The following TAT variants were observed in gnomAD, a reference collection of about 807,000 sequenced individuals.
TAT encodes the protein tyrosine aminotransferase.
In TAT, 35 loss-of-function variants were observed where a neutral mutation model predicts 53.6. The observed-to-expected ratio is 0.65, with a 90% confidence interval of 0.50 to 0.87. The LOEUF (loss-of-function observed/expected upper bound fraction) is 0.87. TAT is among the 40% of genes least tolerant of loss of function. The probability of loss-of-function intolerance (pLI) is 0.00; values close to 1 mark genes in which losing one functional copy is unlikely to be tolerated. For missense variants in TAT, 525 were observed against 571.8 expected (o/e 0.92, Z 0.83); for synonymous variants, 197 against 206.5 (o/e 0.95, Z 0.39).
rs1055656335 is a variant in TAT, at chr16:71,566,707, A to C, written c.*1437T>G. ...AGCTCCCAAATAAAATGTTTTAGGA[A>C]CTGTGGTTCTTAAGTAACTCCAAAA... is the stretch of plus-strand genomic sequence containing the variant. On this transcript the variant is annotated 3_prime_UTR_variant, in exon 12 of 12. Coordinates refer to ENST00000355962, the MANE Select transcript of TAT (RefSeq NM_000353.3). 5 of 152,118 alleles carry C rather than the reference A, an allele frequency of 3.3e-5. No individual in the cohort carries two copies. The highest frequency in any genetic ancestry group is 7.4e-5 in the Non-Finnish European group (5 of 68,018). The allele number at this position is 152,118 out of a possible 1,614,324, so 9.4% of individuals were successfully genotyped here.
chr16:71,574,581 CAAAAAAAAAAAAA>C (rs71389677), intron 3 of TAT, among the ~76,000 whole-genome samples: 2 of 79,804 alleles, frequency 2.5e-5, no homozygotes, highest in African/African-American at 1.0e-4. Context: ...AACTTCGTCT[CAAAAAAAAAAAAA>C]AAAAAAAAAA....
At chr16:71,576,484 G>T in intron 1 of TAT, 57 bp from the exon 2 acceptor site, 1 of 1,460,550 alleles carries the variant, frequency 6.8e-7, no homozygotes, top group South Asian at 1.1e-5. Flanking sequence ...GGGGACAGAG[G>T]AGCTACATTT....
In TAT at chr16:71,575,771, C is replaced by A. The variant is rs2044230740; in HGVS notation, c.340+151G>T. On this transcript the variant is annotated intron_variant, in intron 3 of 11. Transcript: ENST00000355962. ...CCTTGTATTTAAGCATCCCGAGACC[C>A]GGTTCCCAAATCCAAAGGACCATGT... 7 of 857,810 alleles carry A rather than the reference C, an allele frequency of 8.2e-6. No individual in the cohort carries two copies. The East Asian group carries it at 1.8e-4, about 21-fold the overall frequency. 53.1% of individuals were successfully genotyped at this position (857,810 alleles called of 1,614,324 possible).
rs1597053950 is a variant in TAT at position 71,571,698 on chromosome 16, T to A, written c.707-40A>T. ...TGCTGAAATCAGTTTTAATGTGAAT[T>A]GCTTTATCATGTAATAGTCACATAA... is the stretch of plus-strand genomic sequence containing the variant. On this transcript the variant is annotated intron_variant, in intron 6 of 11. Coordinates refer to ENST00000355962, the MANE Select transcript of TAT (RefSeq NM_000353.3). The A allele has an allele frequency of 3.8e-6, 6 of 1,573,188 alleles. No homozygotes were observed. The East Asian group carries it at 1.3e-4, about 35-fold the overall frequency.
chr16:71,570,806 G>A lies in TAT; in HGVS notation c.785C>T (p.Pro262Leu). The A allele has an allele frequency of 6.2e-7, 1 of 1,614,138 alleles. No homozygotes were observed. Residue 262 changes from proline (P) to leucine (L), a missense_variant, in exon 8 of 12, where the codon CCA becomes CTA. By Grantham distance (98) the Pro-to-Leu change is moderately conservative. Transcript: ENST00000355962. Reference protein sequence around the residue: ...DMVFSDCKYEPLATLSTDVPI... With the variant: ...DMVFSDCKYELLATLSTDVPI... ...GACATCGGTGCTGAGGGTGGCCAGTGGTTCATATTTGCAATCCGAAAACAC... is the reference window on the plus strand; with the variant it reads ...GACATCGGTGCTGAGGGTGGCCAGTAGTTCATATTTGCAATCCGAAAACAC...
rs913973377 is a variant in TAT, at chr16:71,566,196, T to C, written c.*1948A>G. On this transcript the variant is annotated 3_prime_UTR_variant, in exon 12 of 12. Transcript: ENST00000355962. ...TCGTCTTGGATTTGCTGAAGAAAATTAAAAGGTAAATTTTGCTGTGAGCTC... is the reference window on the plus strand; with the variant it reads ...TCGTCTTGGATTTGCTGAAGAAAATCAAAAGGTAAATTTTGCTGTGAGCTC... 3.9e-5 allele frequency: 6 copies of C among 152,166 alleles called. No homozygotes were observed. Among genetic ancestry groups the C allele is most frequent in the Admixed American group, 3.9e-4 (6 of 15,304 alleles). 9.4% of individuals were successfully genotyped at this position (152,166 alleles called of 1,614,324 possible).
intron 5 of TAT, 63 bp downstream of exon 5, chr16:71,572,467 G>A (rs1432651957): frequency 4.3e-6 from 7 of 1,610,560 alleles, no homozygotes; most frequent in Non-Finnish European, 5.9e-6. Context: ...CTGAAGTAAT[G>A]TTCATATATT....
chr16:71,576,202 T>C lies in TAT; in HGVS notation c.214A>G (p.Thr72Ala). Residue 72 changes from threonine to alanine, a missense_variant, in exon 2 of 12, where the codon ACC (threonine) becomes GCC (alanine). Transcript: ENST00000355962. ...TCACCAATGGACAGGGAAATCATGGTTTTGTTTGGATTTGGTTTCACCTTC... is the reference window on the plus strand; with the variant it reads ...TCACCAATGGACAGGGAAATCATGGCTTTGTTTGGATTTGGTTTCACCTTC... ...NMKVKPNPNK[T>A]MISLSIGDPT... 6.2e-7 allele frequency: 1 copy of C among 1,614,108 alleles called. No individual in the cohort carries two copies. The highest frequency in any genetic ancestry group is 8.5e-7 in the Non-Finnish European group (1 of 1,179,984).
chr16:71,572,914 C>T (rs150726308), intron 4 of TAT, among the ~76,000 whole-genome samples: 112 of 152,354 alleles, frequency 7.4e-4, no homozygotes, highest in African/African-American at 2.5e-3. Context: ...GGCTGTGACT[C>T]AGCAGACTTC....
rs2145232065 is a variant in TAT, at chr16:71,571,639, G to A, written c.726C>T (p.Val242=). 1 of 1,614,172 alleles carries A rather than the reference G, an allele frequency of 6.2e-7. No homozygotes were observed. The highest frequency in any genetic ancestry group is 8.5e-7 in the Non-Finnish European group (1 of 1,180,032). ...KILAVAARQC[V]PILADEIYGD... Reference sequence around the variant, plus strand: ...CATAGATCTCATCAGCTAAGATGGGGACACACTGCCGTGCAGCCACTGAAA... The same window carrying A: ...CATAGATCTCATCAGCTAAGATGGGAACACACTGCCGTGCAGCCACTGAAA... The change falls in exon 7 of 12, where the codon GTC becomes GTT. Residue 242 remains valine, a synonymous_variant. Coordinates refer to ENST00000355962, the MANE Select transcript of TAT (RefSeq NM_000353.3).
At position 71,568,247 on chromosome 16, in the gene TAT, G is replaced by A; in HGVS notation, c.1262C>T (p.Thr421Ile). Residue 421 changes from threonine (T) to isoleucine (I), a missense_variant, in exon 12 of 12, where the codon ACA (threonine) becomes ATA (isoleucine). By Grantham distance (89) the Thr-to-Ile change is moderately conservative. Transcript: ENST00000355962. ...EYPNFIRVVITVPEVMMLEAC... is the reference protein window; with the variant it reads ...EYPNFIRVVIIVPEVMMLEAC... ...CTCCAGCATCATCACCTCGGGGACT[G>A]TGATGACCACTCGGATGAAATTCGG... 1.2e-6 allele frequency: 2 copies of A among 1,614,208 alleles called. No homozygotes were observed. The highest frequency in any genetic ancestry group is 1.7e-6 in the Non-Finnish European group (2 of 1,180,052).
intron 7 of TAT, among the ~76,000 whole-genome samples, chr16:71,571,206 G>C (rs1441535693): frequency 6.6e-6 from 1 of 152,064 alleles, no homozygotes; most frequent in Non-Finnish European, 1.5e-5. Flanking sequence ...AAAATGGTTT[G>C]GGCTTCAGAA....
rs1387465269 is a variant in TAT at position 71,572,216 on chromosome 16, T to C, written c.676A>G (p.Ser226Gly). ...NPSNPCGSVF[S>G]KRHLQKILAV... ...AGAATCTTCTGAAGATGACGTTTGC[T>C]GAACACTGACCCACAGGGGTTTGAT... Residue 226 changes from serine to glycine, a missense_variant, in exon 6 of 12, where the codon AGC (serine) becomes GGC (glycine). By Grantham distance (56) the Ser-to-Gly change is moderately conservative. Coordinates refer to ENST00000355962, the MANE Select transcript of TAT (RefSeq NM_000353.3). 6.2e-7 allele frequency: 1 copy of C among 1,614,246 alleles called. No individual in the cohort carries two copies. The highest frequency in any genetic ancestry group is 1.7e-5 in the Admixed American group (1 of 60,028).
intron 3 of TAT, 115 bp downstream of exon 3, chr16:71,575,807 T>A: frequency 8.9e-7 from 1 of 1,121,830 alleles, no homozygotes; most frequent in Non-Finnish European, 1.4e-6. Context: ...AATCTTAGCC[T>A]CTCCTTAGGA....
intron 3 of TAT, among the ~76,000 whole-genome samples, chr16:71,574,576 C>T (rs1391800130): frequency 9.6e-6 from 1 of 103,784 alleles, no homozygotes; most frequent in Non-Finnish European, 1.8e-5. Flanking sequence ...GCGAAAACTT[C>T]GTCTCAAAAA....
At chr16:71,568,367 A>G (rs973998078) in intron 11 of TAT, 83 bp from the exon 12 acceptor site, 10 of 1,396,872 alleles carry the variant, frequency 7.2e-6, no homozygotes, top group Non-Finnish European at 1.0e-5. Context: ...CCTGATCCAC[A>G]AGAAGTGGTA....
Position 71,568,188 on chromosome 16 carries a change from G to A in TAT, c.1321C>T (p.His441Tyr), listed in dbSNP as rs964635822. Reference sequence around the variant, plus strand: ...TGGCTGCCTTCAGCACAATGGTAGTGCTGCTCACAGAACTCCTGGATCCGG... The same window carrying A: ...TGGCTGCCTTCAGCACAATGGTAGTACTGCTCACAGAACTCCTGGATCCGG... ...CSRIQEFCEQHYHCAEGSQEE... is the reference protein window; with the variant it reads ...CSRIQEFCEQYYHCAEGSQEE... The change falls in exon 12 of 12, where the codon CAC becomes TAC. Residue 441 changes from histidine to tyrosine, a missense_variant. Coordinates refer to ENST00000355962, the MANE Select transcript of TAT (RefSeq NM_000353.3). 6.2e-7 allele frequency: 1 copy of A among 1,614,116 alleles called. No individual in the cohort carries two copies. The highest frequency in any genetic ancestry group is 1.3e-5 in the African/African-American group (1 of 74,946).
In TAT at chr16:71,566,307, A is replaced by ACAG. The variant is rs2044162413; in HGVS notation, c.*1836_*1837insCTG. 6.6e-6 allele frequency: 1 copy of ACAG among 152,142 alleles called. No homozygotes were observed. The highest frequency in any genetic ancestry group is 1.5e-5 in the Non-Finnish European group (1 of 68,024). The allele number at this position is 152,142 out of a possible 1,614,324, so 9.4% of individuals were successfully genotyped here. On this transcript the variant is annotated 3_prime_UTR_variant, in exon 12 of 12. Coordinates refer to ENST00000355962, the MANE Select transcript of TAT (RefSeq NM_000353.3). ...TGTGACTGGCAGGGTTGAGACCTGA[A>ACAG]GTTCCTCTTTTAGATAAGGAAAATT...
At chr16:71,573,650 G>C (rs1443122970) in intron 3 of TAT, 44 bp from the exon 4 acceptor site, 3 of 1,514,546 alleles carry the variant, frequency 2.0e-6, no homozygotes, top group South Asian at 1.2e-5. Context: ...GGTTTTTAGA[G>C]ACTGTGTCTC....
Sources: allele counts gnomAD v4.1 joint callset (sites outside exome capture counted in the v4.1 genomes callset), GRCh38; gene constraint gnomAD v4.1.1; transcripts MANE v1.5; gene names NCBI Gene and HGNC (gene_info 2026-07-23, HGNC 2026-07-21).